The following IL1RL1 variants were observed in gnomAD, a reference collection of about 807,000 sequenced individuals.
IL1RL1 encodes interleukin 1 receptor like 1.
A neutral mutation model predicts 50.9 loss-of-function variants in IL1RL1; 32 were observed. The observed-to-expected ratio is 0.63, with a 90% CI of 0.47 to 0.84. The LOEUF (loss-of-function observed/expected upper bound fraction) is 0.84, where lower values mean the gene tolerates loss of function less well. Ranked by LOEUF, IL1RL1 falls within the 40% of genes least tolerant of loss-of-function variation. The pLI is 0.00. For missense variants in IL1RL1, 773 were observed against 662.9 expected (o/e 1.17, Z -1.82); for synonymous variants, 275 against 236.0 (o/e 1.17, Z -1.51).
chr2:102,337,666 A>C (rs1243581105), intron 1 of IL1RL1, among the ~76,000 whole-genome samples: 1 of 152,148 alleles, frequency 6.6e-6, no homozygotes, highest in African/African-American at 2.4e-5. Context: ...GCTACTCCTT[A>C]GTTGCTTTGT....
rs367576518 is a variant in IL1RL1, at chr2:102,351,975, T to C, written c.*54T>C. 2.6e-6 allele frequency: 4 copies of C among 1,526,804 alleles called. No homozygotes were observed. Among genetic ancestry groups the C allele is most frequent in the Non-Finnish European group, 3.5e-6 (4 of 1,129,500 alleles). The allele number at this position is 1,526,804 out of a possible 1,614,324, so 94.6% of individuals were successfully genotyped here. On this transcript the variant is annotated 3_prime_UTR_variant, in exon 11 of 11. Coordinates refer to ENST00000233954, the MANE Select transcript of IL1RL1 (RefSeq NM_016232.5). ...AGTTTGAAGCTTTCCTGACTTCTCC[T>C]AGCTGGCTTATGCCCCTGCACTGAA...
rs1165298976 is a variant in IL1RL1 at position 102,340,826 on chromosome 2, A to C, written c.608A>C (p.Lys203Thr). 1.0e-5 allele frequency: 16 copies of C among 1,569,782 alleles called. No homozygotes were observed. The highest frequency in any genetic ancestry group is 1.4e-5 in the Non-Finnish European group (16 of 1,166,200). Residue 203 changes from lysine to threonine, a missense_variant and splice_region_variant, in exon 5 of 11, where the codon AAG becomes ACG. Coordinates refer to ENST00000233954, the MANE Select transcript of IL1RL1 (RefSeq NM_016232.5). ...SVTATRSFTV[K>T]DEQGFSLFPV... ...ACGGCGACCAGGTCCTTCACGGTCA[A>C]GGGTAAGCTACTGACATTAATGAGA... is the stretch of plus-strand genomic sequence containing the variant.
chr2:102,327,551 T>C (rs1268339111), intron 1 of IL1RL1, among the ~76,000 whole-genome samples: 2 of 152,022 alleles, frequency 1.3e-5, no homozygotes, highest in Admixed American at 1.3e-4. Flanking sequence ...CTTCAAAAAA[T>C]CAATGAATAC....
chr2:102,339,572 G>T (rs960593477), intron 3 of IL1RL1: 3 of 155,422 alleles, frequency 1.9e-5, no homozygotes, highest in African/African-American at 7.2e-5. Flanking sequence ...CAAAAAGCAG[G>T]ATGTATTAGT....
chr2:102,326,422 G>A (rs1677001280), intron 1 of IL1RL1, among the ~76,000 whole-genome samples: 1 of 152,012 alleles, frequency 6.6e-6, no homozygotes, highest in South Asian at 2.1e-4. Context: ...AGACCATCAA[G>A]GCTAGGAAGA....
chr2:102,325,030 T>C (rs1394503134), intron 1 of IL1RL1, among the ~76,000 whole-genome samples: 1 of 152,148 alleles, frequency 6.6e-6, no homozygotes, highest in African/African-American at 2.4e-5. Context: ...CAGCTGGAGA[T>C]CTGAGAACGG....
chr2:102,331,006 T>C lies in IL1RL1; in HGVS notation c.-149-7110T>C, dbSNP rs535536622. 6.6e-5 allele frequency among the ~76,000 whole-genome samples: 10 copies of C among 152,358 alleles called. No individual in the cohort carries two copies. The South Asian group carries it at 2.1e-3, about 32-fold the overall frequency. On this transcript the variant is annotated intron_variant, in intron 1 of 10. Coordinates refer to ENST00000233954, the MANE Select transcript of IL1RL1 (RefSeq NM_016232.5). Reference sequence around the variant, plus strand: ...CATTATGTGTCGAAGGCAGTGTTTTTCACAATAAACTTATGTTGGCACTTT... The same window carrying C: ...CATTATGTGTCGAAGGCAGTGTTTTCCACAATAAACTTATGTTGGCACTTT...
Position 102,351,741 on chromosome 2 carries a change from G to A in IL1RL1, c.1491G>A (p.Gln497=). 1.2e-6 allele frequency: 2 copies of A among 1,614,064 alleles called. No homozygotes were observed. Among genetic ancestry groups the A allele is most frequent in the Non-Finnish European group, 1.7e-6 (2 of 1,179,994 alleles). Residue 497 remains glutamine (Q), a synonymous_variant, in exon 11 of 11, where the codon CAG becomes CAA. Coordinates refer to ENST00000233954, the MANE Select transcript of IL1RL1 (RefSeq NM_016232.5). The stretch of plus-strand genomic sequence containing the variant: ...ACATGCTGCAGGCTGAGGCGCTTCA[G>A]GACTCCCTCCAGCATCTTATGAAAG... ...ELDMLQAEAL[Q]DSLQHLMKVQ...
intron 8 of IL1RL1, chr2:102,344,878 G>C: frequency 1.0e-6 from 1 of 972,702 alleles, no homozygotes; most frequent in South Asian, 4.8e-5. Flanking sequence ...CTTCCCTACA[G>C]TTTTTTCTGA....
chr2:102,340,629 A>G, intron 4 of IL1RL1, 37 bp from the exon 5 acceptor site: 2 of 1,567,684 alleles, frequency 1.3e-6, no homozygotes, highest in Non-Finnish European at 1.7e-6. Context: ...ATAAAAGTGA[A>G]GAATTACTGA....
chr2:102,335,640 T>G (rs1186319835), intron 1 of IL1RL1, among the ~76,000 whole-genome samples: 6 of 152,218 alleles, frequency 3.9e-5, no homozygotes, highest in South Asian at 2.1e-4. Context: ...ATTTCATCAT[T>G]ATGATGTTAA....
chr2:102,345,886 C>G (rs62152663), intron 8 of IL1RL1: 91,749 of 984,872 alleles, frequency 0.093, 4,447 homozygotes, highest in Non-Finnish European at 0.096. Flanking sequence ...TCCAGCCTGC[C>G]CACTCACACT....
intron 1 of IL1RL1, among the ~76,000 whole-genome samples, chr2:102,333,725 T>C (rs960364012): frequency 1.3e-5 from 2 of 152,190 alleles, no homozygotes; most frequent in East Asian, 3.8e-4. Context: ...TAATTTTTCA[T>C]TCATCACCCC....
intron 1 of IL1RL1, among the ~76,000 whole-genome samples, chr2:102,312,004 T>A (rs74192824): frequency 0.023 from 786 of 33,764 alleles, 49 homozygotes; most frequent in African/African-American, 0.076. Context: ...ATAATATATT[T>A]ATATATATTA....
At chr2:102,346,519 C>T (rs1475026600) in intron 8 of IL1RL1, among the ~76,000 whole-genome samples, 2 of 152,186 alleles carry the variant, frequency 1.3e-5, no homozygotes, top group African/African-American at 2.4e-5. Context: ...GGATCAACTT[C>T]TTTCCTCTAC....
intron 1 of IL1RL1, among the ~76,000 whole-genome samples, chr2:102,333,692 T>C (rs1007376901): frequency 1.3e-5 from 2 of 152,154 alleles, no homozygotes; most frequent in African/African-American, 2.4e-5. Context: ...CTTACCCAAA[T>C]TGTGAATATT....
intron 1 of IL1RL1, 83 bp downstream of exon 1, chr2:102,311,706 A>C (rs1676475680): frequency 7.2e-6 from 1 of 138,054 alleles, no homozygotes; most frequent in Non-Finnish European, 1.5e-5. Flanking sequence ...GGTCATTATA[A>C]CAATAATATT....
At chr2:102,312,552 T>C (rs6733174) in intron 1 of IL1RL1, among the ~76,000 whole-genome samples, 81,245 of 151,624 alleles carry the variant, frequency 0.54, 22,118 homozygotes, top group Middle Eastern at 0.65. Context: ...TCTACTCAGA[T>C]GGAGATGAAG....
At chr2:102,346,237 A>G (rs1677778316) in intron 8 of IL1RL1, 1 of 166,764 alleles carries the variant, frequency 6.0e-6, no homozygotes, top group Non-Finnish European at 1.2e-5. Context: ...CATAATAATA[A>G]TACACATTTA....
Sources: allele counts gnomAD v4.1 joint callset (sites outside exome capture counted in the v4.1 genomes callset), GRCh38; gene constraint gnomAD v4.1.1; transcripts MANE v1.5; gene names NCBI Gene and HGNC (gene_info 2026-07-23, HGNC 2026-07-21).